The following TMEM108 variants were observed in gnomAD, a reference collection of about 807,000 sequenced individuals.
The protein encoded by TMEM108 is transmembrane protein 108.
A neutral mutation model predicts 35.1 loss-of-function variants in TMEM108; 12 were observed. The observed-to-expected ratio is 0.34, with a 90% CI of 0.22 to 0.55. The LOEUF (loss-of-function observed/expected upper bound fraction) is 0.55, where lower values mean the gene tolerates loss of function less well. Among genes scored for constraint, TMEM108 ranks in the 20% least tolerant of loss-of-function variants. The pLI is 0.89. For missense variants in TMEM108, 680 were observed against 753.3 expected, an observed-to-expected ratio of 0.90 and a Z score of 1.14; for synonymous variants, 287 against 308.6, an observed-to-expected ratio of 0.93 and a Z score of 0.73.
chr3:133,056,277 C>G (rs1300650399), intron 2 of TMEM108, among the ~76,000 whole-genome samples: 4 of 152,164 alleles, frequency 2.6e-5, no homozygotes, highest in Admixed American at 2.6e-4. Flanking sequence ...GTCCTTGGTC[C>G]CGTTCTCTCC....
chr3:133,397,226 T>C lies in TMEM108; in HGVS notation c.*1240T>C, dbSNP rs2073318572. The stretch of plus-strand genomic sequence containing the variant: ...TCCTGATTGTGGCTGAGAGAGATGA[T>C]TACTGCTTTGACACTTCCTTTCTCT... On this transcript the variant is annotated 3_prime_UTR_variant, in exon 6 of 6. Transcript: ENST00000321871. The C allele has an allele frequency of 6.6e-6, 1 of 152,192 alleles. No individual in the cohort carries two copies. The highest frequency in any genetic ancestry group is 1.5e-5 in the Non-Finnish European group (1 of 68,036). 9.4% of individuals were successfully genotyped at this position (152,192 alleles called of 1,614,324 possible). A position where few individuals can be genotyped will look rare whatever the true frequency, so the allele number is the denominator to read the frequency against.
At chr3:133,154,500 G>T (rs958438817) in intron 2 of TMEM108, among the ~76,000 whole-genome samples, 2 of 152,086 alleles carry the variant, frequency 1.3e-5, no homozygotes, top group African/African-American at 4.8e-5. Flanking sequence ...AGAAAATGTG[G>T]CACATATACA....
intron 2 of TMEM108, among the ~76,000 whole-genome samples, chr3:133,080,667 TG>T (rs1182874027): frequency 1.3e-5 from 2 of 152,182 alleles, no homozygotes; most frequent in Non-Finnish European, 1.5e-5. Context: ...ACTCATATAT[TG>T]TTTTTTTTTA....
chr3:133,038,979 C>T (rs114458895), intron 1 of TMEM108, among the ~76,000 whole-genome samples: 1 of 152,192 alleles, frequency 6.6e-6, no homozygotes, highest in African/African-American at 2.4e-5. Context: ...ACGGAGCCTC[C>T]GTGCTGCCCG....
intron 2 of TMEM108, among the ~76,000 whole-genome samples, chr3:133,170,661 TAAAGTC>T (rs1231240758): frequency 6.6e-6 from 1 of 152,124 alleles, no homozygotes; most frequent in African/African-American, 2.4e-5. Context: ...GTCAAAATAT[TAAAGTC>T]AGAGTTTTAA....
At chr3:133,182,950 T>C (rs1945368430) in intron 2 of TMEM108, among the ~76,000 whole-genome samples, 1 of 152,208 alleles carries the variant, frequency 6.6e-6, no homozygotes, top group Non-Finnish European at 1.5e-5. Flanking sequence ...AACAAAAGTA[T>C]TACAAGTTGA....
intron 3 of TMEM108, among the ~76,000 whole-genome samples, chr3:133,351,292 T>C (rs2071988759): frequency 6.6e-6 from 1 of 152,186 alleles, no homozygotes; most frequent in African/African-American, 2.4e-5. Context: ...AAGGTGCTGA[T>C]CTTCAATCAC....
At chr3:133,128,978 C>T (rs1944453070) in intron 2 of TMEM108, among the ~76,000 whole-genome samples, 2 of 152,058 alleles carry the variant, frequency 1.3e-5, no homozygotes, top group Non-Finnish European at 2.9e-5. Flanking sequence ...TAATTTTTTG[C>T]CTCCTTAATA....
intron 2 of TMEM108, among the ~76,000 whole-genome samples, chr3:133,069,159 G>A (rs531081322): frequency 2.6e-5 from 4 of 152,320 alleles, no homozygotes; most frequent in African/African-American, 9.6e-5. Context: ...ACATTTTCAT[G>A]AGGATGGAGC....
chr3:133,070,863 G>A (rs1230928580), intron 2 of TMEM108, among the ~76,000 whole-genome samples: 1 of 151,900 alleles, frequency 6.6e-6, no homozygotes, highest in Non-Finnish European at 1.5e-5. Context: ...GAGGGTGCTA[G>A]GGTACTGCAG....
intron 3 of TMEM108, among the ~76,000 whole-genome samples, chr3:133,259,894 G>A (rs564126034): frequency 3.3e-5 from 5 of 152,182 alleles, no homozygotes; most frequent in Non-Finnish European, 5.9e-5. Flanking sequence ...CAGAATAGGC[G>A]GATGCCCACA....
chr3:133,252,804 A>T (rs998791448), intron 3 of TMEM108, among the ~76,000 whole-genome samples: 2 of 152,192 alleles, frequency 1.3e-5, no homozygotes, highest in Non-Finnish European at 2.9e-5. Flanking sequence ...ATTCTTGCAT[A>T]CAGTGTTCAA....
chr3:133,214,285 G>A (rs1001412144), intron 2 of TMEM108, among the ~76,000 whole-genome samples: 20 of 152,110 alleles, frequency 1.3e-4, no homozygotes, highest in Non-Finnish European at 2.9e-4. Context: ...CTTGAGCAAA[G>A]ACCTTGACTT....
At chr3:133,217,188 T>C (rs1945921621) in intron 2 of TMEM108, among the ~76,000 whole-genome samples, 1 of 152,098 alleles carries the variant, frequency 6.6e-6, no homozygotes, top group Non-Finnish European at 1.5e-5. Context: ...TGTACAGTGA[T>C]GTTGAGCATT....
chr3:133,306,572 T>C (rs1222448297), intron 3 of TMEM108, among the ~76,000 whole-genome samples: 2 of 151,956 alleles, frequency 1.3e-5, no homozygotes, highest in African/African-American at 4.8e-5. Flanking sequence ...TGTGTCCAAG[T>C]GTTGTCATTG....
chr3:133,391,023 C>T (rs78551819), intron 5 of TMEM108, among the ~76,000 whole-genome samples: 3,750 of 152,198 alleles, frequency 0.025, 135 homozygotes, highest in African/African-American at 0.085. Flanking sequence ...CGGAGGGTGG[C>T]GTAGAGGCCA....
chr3:133,040,569 G>A (rs928636725), intron 1 of TMEM108, among the ~76,000 whole-genome samples: 2 of 152,050 alleles, frequency 1.3e-5, no homozygotes, highest in African/African-American at 4.8e-5. Context: ...GAGGTAGGTG[G>A]CATAGTATAC....
intron 2 of TMEM108, among the ~76,000 whole-genome samples, chr3:133,135,699 G>A (rs954536432): frequency 1.3e-5 from 2 of 152,178 alleles, no homozygotes; most frequent in African/African-American, 4.8e-5. Context: ...GCAAGGCAAA[G>A]CAAGGATAAT....
At chr3:133,049,088 G>A (rs1265967091) in intron 2 of TMEM108, among the ~76,000 whole-genome samples, 9 of 152,158 alleles carry the variant, frequency 5.9e-5, no homozygotes, top group East Asian at 1.9e-4. Context: ...GGTTTCTGAC[G>A]TAGTTACTTC....
Sources: gnomAD v4.1 joint callset for allele counts (sites outside exome capture counted in the v4.1 genomes callset) on GRCh38, gnomAD v4.1.1 for gene constraint, MANE v1.5 for transcripts, NCBI Gene and HGNC (gene_info 2026-07-23, HGNC 2026-07-21) for gene names.